Variants in RBFOX1 observed in about 807,000 individuals in gnomAD.
The protein encoded by RBFOX1 is RNA binding protein fox-1 homolog 1.
A neutral mutation model predicts 57.7 loss-of-function variants in RBFOX1; 8 were observed. That is an observed-to-expected ratio of 0.14 (90% CI 0.08 to 0.25). RBFOX1 has a LOEUF of 0.25. Among genes scored for constraint, RBFOX1 ranks in the 10% least tolerant of loss-of-function variants. RBFOX1 has a pLI of 1.00. For missense variants in RBFOX1, 611 were observed against 548.5 expected (o/e 1.11, Z -1.14); for synonymous variants, 326 against 222.4 (o/e 1.47, Z -4.15).
chr16:7,192,295 G>T (rs369905157), intron 4 of RBFOX1, among the ~76,000 whole-genome samples: 2 of 152,134 alleles, frequency 1.3e-5, no homozygotes, highest in Non-Finnish European at 2.9e-5. Flanking sequence ...TGAATCTGAC[G>T]TTAGGGAAAA....
chr16:6,145,768 G>T (rs1410299848), intron 1 of RBFOX1, among the ~76,000 whole-genome samples: 2 of 152,024 alleles, frequency 1.3e-5, no homozygotes, highest in African/African-American at 4.8e-5. Flanking sequence ...TTTAAAAATA[G>T]ACTAATCACA....
chr16:7,579,958 G>A, intron 6 of RBFOX1, 38 bp downstream of exon 6: 1 of 1,607,502 alleles, frequency 6.2e-7, no homozygotes, highest in Non-Finnish European at 8.5e-7. Flanking sequence ...GCCCGCTCTG[G>A]GGGTTCCAGA....
chr16:7,047,439 G>C (rs79718575), intron 3 of RBFOX1, among the ~76,000 whole-genome samples: 1 of 151,982 alleles, frequency 6.6e-6, no homozygotes, highest in Non-Finnish European at 1.5e-5. Flanking sequence ...TGAATTGTTG[G>C]GCCCTTACAA....
intron 4 of RBFOX1, among the ~76,000 whole-genome samples, chr16:7,291,405 A>G (rs1053958152): frequency 6.6e-6 from 1 of 152,204 alleles, no homozygotes; most frequent in Non-Finnish European, 1.5e-5. Context: ...TCTAGGCTAA[A>G]TAAAATAATG....
chr16:5,372,856 T>G (rs1291961850), intron 1 of RBFOX1, among the ~76,000 whole-genome samples: 5 of 152,238 alleles, frequency 3.3e-5, no homozygotes, highest in Non-Finnish European at 7.3e-5. Flanking sequence ...CAAAACACAC[T>G]TGTGATCCTT....
intron 2 of RBFOX1, among the ~76,000 whole-genome samples, chr16:5,528,647 C>G (rs1412199790): frequency 6.7e-6 from 1 of 148,534 alleles, no homozygotes; most frequent in East Asian, 2.0e-4. Flanking sequence ...TTCTCCGCTT[C>G]CCCCCTCCCC....
At chr16:5,874,800 C>G (rs1370943798) in intron 4 of RBFOX1, among the ~76,000 whole-genome samples, 4 of 152,056 alleles carry the variant, frequency 2.6e-5, no homozygotes. Context: ...AGAAAATTAG[C>G]CAGGCAATGT....
chr16:6,961,985 G>A (rs942684129), intron 3 of RBFOX1, among the ~76,000 whole-genome samples: 3 of 152,140 alleles, frequency 2.0e-5, no homozygotes, highest in African/African-American at 7.2e-5. Flanking sequence ...TAACCTCATG[G>A]GAATACAGCT....
At position 6,083,669 on chromosome 16, in the gene RBFOX1, G is replaced by T. The variant is rs369754241; in HGVS notation, c.-127+63677G>T. On this transcript the variant is annotated intron_variant, in intron 1 of 15. Coordinates refer to ENST00000550418, the MANE Select transcript of RBFOX1 (RefSeq NM_018723.4). ...TTTTTTAATTATTTGTAGACACGGG[G>T]TCTCACTGTGTTGCCCAGGCTGGAC... is the stretch of plus-strand genomic sequence containing the variant. Among the ~76,000 whole-genome samples the T allele has an allele frequency of 2.2e-3, 329 of 152,190 alleles. 2 individuals carry two copies. The highest frequency in any genetic ancestry group is 6.9e-3 in the African/African-American group (287 of 41,524).
intron 3 of RBFOX1, among the ~76,000 whole-genome samples, chr16:5,833,578 A>G (rs1307162639): frequency 6.6e-6 from 1 of 152,078 alleles, no homozygotes; most frequent in African/African-American, 2.4e-5. Context: ...TTTCAATTAT[A>G]AAGGTAACTT....
intron 3 of RBFOX1, among the ~76,000 whole-genome samples, chr16:5,621,955 T>G (rs980594515): frequency 1.3e-5 from 2 of 152,212 alleles, no homozygotes; most frequent in African/African-American, 2.4e-5. Flanking sequence ...CAGCATCTCC[T>G]GGGAAGAATG....
intron 2 of RBFOX1, among the ~76,000 whole-genome samples, chr16:6,647,242 C>T (rs1387579921): frequency 3.3e-5 from 5 of 152,002 alleles, no homozygotes; most frequent in Non-Finnish European, 5.9e-5. Flanking sequence ...CTAATTCTTT[C>T]TTTATTTTAT....
At chr16:7,626,673 AT>A (rs1462037740) in intron 10 of RBFOX1, among the ~76,000 whole-genome samples, 6 of 152,148 alleles carry the variant, frequency 3.9e-5, no homozygotes, top group African/African-American at 1.4e-4. Flanking sequence ...GATTGAAGCT[AT>A]TTCAATCTGT....
chr16:6,022,715 A>G (rs1422510809), intron 1 of RBFOX1, among the ~76,000 whole-genome samples: 2 of 152,294 alleles, frequency 1.3e-5, no homozygotes, highest in South Asian at 4.1e-4. Context: ...AACAAACAAA[A>G]AACAATTTGT....
chr16:5,636,808 C>T (rs144542695), intron 3 of RBFOX1, among the ~76,000 whole-genome samples: 11 of 152,246 alleles, frequency 7.2e-5, no homozygotes, highest in Admixed American at 2.6e-4. Context: ...GATTTAGGAC[C>T]GGCCTTTGGT....
intron 5 of RBFOX1, among the ~76,000 whole-genome samples, chr16:7,557,174 C>G (rs1205278330): frequency 6.6e-6 from 1 of 152,126 alleles, no homozygotes; most frequent in Admixed American, 6.6e-5. Flanking sequence ...CCTACTGTCA[C>G]GTGCTACTCA....
intron 4 of RBFOX1, among the ~76,000 whole-genome samples, chr16:7,171,398 C>G (rs968409917): frequency 6.6e-6 from 1 of 152,152 alleles, no homozygotes; most frequent in Non-Finnish European, 1.5e-5. Context: ...TTCCTGCCAC[C>G]GCTAATGTCA....
intron 2 of RBFOX1, among the ~76,000 whole-genome samples, chr16:6,470,678 G>T (rs1309492283): frequency 2.0e-5 from 3 of 152,086 alleles, no homozygotes; most frequent in Admixed American, 2.0e-4. Flanking sequence ...TCTTTCCCAG[G>T]TATTTGTCTG....
intron 3 of RBFOX1, among the ~76,000 whole-genome samples, chr16:5,796,682 A>G (rs2054890299): frequency 6.6e-6 from 1 of 152,150 alleles, no homozygotes; most frequent in African/African-American, 2.4e-5. Flanking sequence ...CTCTTACCCC[A>G]TTTTACGGAT....
Sources: allele counts gnomAD v4.1 joint callset (sites outside exome capture counted in the v4.1 genomes callset), GRCh38; gene constraint gnomAD v4.1.1; transcripts MANE v1.5; gene names NCBI Gene and HGNC (gene_info 2026-07-23, HGNC 2026-07-21).